Variants in GRID1 observed in about 807,000 individuals in gnomAD.
GRID1 encodes the protein glutamate receptor ionotropic, delta-1.
Under a neutral mutation model 98.0 loss-of-function variants are expected in GRID1, and 28 were observed. The ratio of observed to expected loss-of-function variants is 0.29; its 90% CI spans 0.21 to 0.39. The LOEUF (loss-of-function observed/expected upper bound fraction) is 0.39, where lower values mean the gene tolerates loss of function less well. GRID1 is among the 10% of genes least tolerant of loss of function. The probability of loss-of-function intolerance (pLI) is 1.00; values close to 1 mark genes in which losing one functional copy is unlikely to be tolerated. For missense variants in GRID1, 1,111 were observed against 1,340.5 expected (o/e 0.83, Z 2.67); for synonymous variants, 553 against 538.5 (o/e 1.03, Z -0.37).
intron 4 of GRID1, among the ~76,000 whole-genome samples, chr10:86,032,376 G>A (rs1467429610): frequency 1.3e-5 from 2 of 152,178 alleles, no homozygotes; most frequent in Non-Finnish European, 2.9e-5. Flanking sequence ...CAGTTTTGTC[G>A]AGTGTAAGGG....
chr10:85,832,310 A>G (rs891405004), intron 8 of GRID1, among the ~76,000 whole-genome samples: 1 of 152,136 alleles, frequency 6.6e-6, no homozygotes, highest in African/African-American at 2.4e-5. Flanking sequence ...TCATTATAAG[A>G]GCCCCAGCAT....
intron 2 of GRID1, among the ~76,000 whole-genome samples, chr10:86,354,920 G>C (rs530544443): frequency 6.6e-6 from 1 of 152,298 alleles, no homozygotes; most frequent in African/African-American, 2.4e-5. Flanking sequence ...GAGACACCCA[G>C]AATGGCTGGG....
chr10:86,085,143 G>A (rs546912933), intron 4 of GRID1, among the ~76,000 whole-genome samples: 1 of 152,308 alleles, frequency 6.6e-6, no homozygotes, highest in African/African-American at 2.4e-5. Context: ...TCACTGCTTC[G>A]ATGAGCCCCA....
At chr10:86,270,183 C>A (rs1372728738) in intron 2 of GRID1, among the ~76,000 whole-genome samples, 1 of 152,208 alleles carries the variant, frequency 6.6e-6, no homozygotes, top group Non-Finnish European at 1.5e-5. Context: ...TTCCCTCACC[C>A]CTTCAGACTG....
intron 2 of GRID1, among the ~76,000 whole-genome samples, chr10:86,288,207 G>A (rs1451927755): frequency 6.6e-6 from 1 of 152,228 alleles, no homozygotes; most frequent in African/African-American, 2.4e-5. Context: ...ACCTGCGAGA[G>A]CAGAGTTCAG....
Position 85,615,615 on chromosome 10 carries a change from T to C in GRID1, c.2361-1968A>G, listed in dbSNP as rs1842779384. ...TCAGTGACTTAGTTGTTAAGATACATGTGCATTTATATGGTTTGGGGTCAT... is the reference window on the plus strand; with the variant it reads ...TCAGTGACTTAGTTGTTAAGATACACGTGCATTTATATGGTTTGGGGTCAT... On this transcript the variant is annotated intron_variant, in intron 14 of 15. Transcript: ENST00000327946. Among the ~76,000 whole-genome samples the C allele has an allele frequency of 2.0e-5, 3 of 152,242 alleles. No individual in the cohort carries two copies. The South Asian group carries it at 6.2e-4, about 31-fold the overall frequency.
At chr10:86,110,542 C>T (rs960233034) in intron 4 of GRID1, among the ~76,000 whole-genome samples, 1 of 152,158 alleles carries the variant, frequency 6.6e-6, no homozygotes, top group Non-Finnish European at 1.5e-5. Flanking sequence ...GGACTTCCAG[C>T]CTCTACCACC....
intron 3 of GRID1, among the ~76,000 whole-genome samples, chr10:86,164,422 T>G (rs1197669112): frequency 6.6e-6 from 1 of 152,158 alleles, no homozygotes; most frequent in Non-Finnish European, 1.5e-5. Context: ...CCTGAAGCAT[T>G]CATTCATTAA....
chr10:86,198,787 C>A (rs1450079342), intron 3 of GRID1, among the ~76,000 whole-genome samples: 8 of 152,112 alleles, frequency 5.3e-5, no homozygotes, highest in African/African-American at 1.7e-4. Context: ...TCTCTTGCAC[C>A]AAGATTCTAC....
intron 8 of GRID1, among the ~76,000 whole-genome samples, chr10:85,772,406 A>C (rs1461850706): frequency 6.6e-6 from 1 of 150,480 alleles, no homozygotes; most frequent in Admixed American, 6.7e-5. Context: ...TGTCACAATT[A>C]AAAGAACTAG....
chr10:85,949,383 C>A (rs1842090797), intron 4 of GRID1, among the ~76,000 whole-genome samples: 1 of 152,120 alleles, frequency 6.6e-6, no homozygotes, highest in Non-Finnish European at 1.5e-5. Context: ...TCAGATTGTA[C>A]ATAATATTGT....
intron 6 of GRID1, among the ~76,000 whole-genome samples, chr10:85,857,912 G>T (rs1843128655): frequency 6.6e-6 from 1 of 152,120 alleles, no homozygotes; most frequent in African/African-American, 2.4e-5. Flanking sequence ...CTTAGTCCAG[G>T]TGCTCCAAAA....
intron 4 of GRID1, among the ~76,000 whole-genome samples, chr10:86,077,877 G>T (rs1008380176): frequency 1.3e-5 from 2 of 152,224 alleles, no homozygotes; most frequent in African/African-American, 4.8e-5. Context: ...GTGACTGAAG[G>T]GACAGTGACA....
chr10:85,840,049 A>G (rs1044979599), intron 8 of GRID1, among the ~76,000 whole-genome samples: 4 of 152,184 alleles, frequency 2.6e-5, no homozygotes, highest in African/African-American at 9.7e-5. Flanking sequence ...CCAAGACTGC[A>G]CCACGAAGAA....
chr10:85,888,352 C>T (rs372276583), intron 5 of GRID1, among the ~76,000 whole-genome samples: 2 of 152,188 alleles, frequency 1.3e-5, no homozygotes, highest in East Asian at 1.9e-4. Flanking sequence ...AAGACTAGCA[C>T]GTGGAGGAAC....
chr10:85,750,195 A>T (rs1842033254), intron 8 of GRID1, among the ~76,000 whole-genome samples: 1 of 152,178 alleles, frequency 6.6e-6, no homozygotes, highest in Admixed American at 6.5e-5. Context: ...ATCTATTCTT[A>T]GGTGACTAGG....
At chr10:85,951,277 T>C (rs1328735895) in intron 4 of GRID1, among the ~76,000 whole-genome samples, 2 of 152,138 alleles carry the variant, frequency 1.3e-5, no homozygotes, top group Non-Finnish European at 2.9e-5. Context: ...GTTGAATTAA[T>C]AATTGAATGT....
chr10:86,246,062 A>T (rs978369180), intron 2 of GRID1, among the ~76,000 whole-genome samples: 6 of 152,270 alleles, frequency 3.9e-5, no homozygotes, highest in Admixed American at 2.0e-4. Context: ...ACCCAGGGTC[A>T]GGGAAAAACA....
At chr10:86,088,281 A>G (rs7074988) in intron 4 of GRID1, among the ~76,000 whole-genome samples, 6,953 of 152,308 alleles carry the variant, frequency 0.046, 194 homozygotes, top group Non-Finnish European at 0.058. Flanking sequence ...AAAGGTAAAT[A>G]AGAAGGAAAA....
Sources: allele counts gnomAD v4.1 joint callset (sites outside exome capture counted in the v4.1 genomes callset), GRCh38; gene constraint gnomAD v4.1.1; transcripts MANE v1.5; gene names NCBI Gene and HGNC (gene_info 2026-07-23, HGNC 2026-07-21).